The following STT3A variants were observed in gnomAD, a reference collection of about 807,000 sequenced individuals.
STT3A encodes STT3 oligosaccharyltransferase complex catalytic subunit A.
STT3A carries 34 observed loss-of-function variants against 89.2 expected under a neutral mutation model. The ratio of observed to expected loss-of-function variants is 0.38; its 90% CI spans 0.29 to 0.51. STT3A has a LOEUF of 0.51. STT3A is among the 20% of genes least tolerant of loss of function. The pLI is 0.89. For missense variants in STT3A, 555 were observed against 889.5 expected, an observed-to-expected ratio of 0.62 and a Z score of 4.78; for synonymous variants, 282 against 310.3, an observed-to-expected ratio of 0.91 and a Z score of 0.96.
In STT3A at chr11:125,612,583, C is replaced by A. The variant is rs1297637774; in HGVS notation, c.1210-9C>A. 1.9e-6 allele frequency: 3 copies of A among 1,611,830 alleles called. No homozygotes were observed. Among genetic ancestry groups the A allele is most frequent in the South Asian group, 2.2e-5 (2 of 90,686 alleles). ...TGATTAGACTGATCATGCTTCCTGT[C>A]TCTGTTAGGTGCGTCTAATGCTAGT... On this transcript the variant is annotated splice_polypyrimidine_tract_variant and intron_variant, in intron 11 of 17. Transcript: ENST00000392708.
Position 125,600,106 on chromosome 11 carries a change from A to C in STT3A, c.150-2197A>C, listed in dbSNP as rs572977195. Among the ~76,000 whole-genome samples, 893 of 148,634 alleles carry C rather than the reference A, an allele frequency of 6.0e-3. 8 individuals are homozygous for C. Among genetic ancestry groups the C allele is most frequent in the African/African-American group, 0.021 (828 of 40,354 alleles). ...GCTCTTGTTGCCCAGGCTGGAGTGCAATGGCACAATCTCAGCTCACCACAA... is the reference window on the plus strand; with the variant it reads ...GCTCTTGTTGCCCAGGCTGGAGTGCCATGGCACAATCTCAGCTCACCACAA... On this transcript the variant is annotated intron_variant, in intron 3 of 17. Coordinates refer to ENST00000392708, the MANE Select transcript of STT3A (RefSeq NM_152713.5).
Position 125,610,427 on chromosome 11 carries a change from T to C in STT3A, c.1117+838T>C, listed in dbSNP as rs900380673. Among the ~76,000 whole-genome samples the C allele has an allele frequency of 5.3e-5, 8 of 152,052 alleles. No homozygotes were observed. The South Asian group carries it at 6.2e-4, about 12-fold the overall frequency. On this transcript the variant is annotated intron_variant, in intron 10 of 17. Transcript: ENST00000392708. ...TATTGTAAAAATATATGTAAATAAA[T>C]AGAAAAAGATGCTGGGCACAATGGC...
At chr11:125,607,975 T>C (rs925817901) in intron 8 of STT3A, 134 bp from the exon 9 acceptor site, 1 of 836,668 alleles carries the variant, frequency 1.2e-6, no homozygotes. Context: ...CTTCCCTAGA[T>C]TGGCCCTGAT....
chr11:125,614,256 A>C lies in STT3A; in HGVS notation c.1671+53A>C, dbSNP rs920232425. 1.7e-5 allele frequency: 28 copies of C among 1,612,202 alleles called. No homozygotes were observed. In the Admixed American group the frequency reaches 2.0e-4, roughly 12 times the overall value. On this transcript the variant is annotated intron_variant, in intron 14 of 17. Coordinates refer to ENST00000392708, the MANE Select transcript of STT3A (RefSeq NM_152713.5). The surrounding 1 kb of genome is among the most constrained non-coding windows in gnomAD (Gnocchi z 4.9). The stretch of plus-strand genomic sequence containing the variant: ...TTTGGTGTACAAGGTCTAATGGGAA[A>C]TGTGTCTGCATGAGGGGATCATATG...
rs975958169 is a variant in STT3A, at chr11:125,616,829, C to A, written c.1775-1544C>A. Reference sequence around the variant, plus strand: ...AGTAGCTGGGACTACAGGCACACACCACCATGCCCGGCCAATTTTTATACT... The same window carrying A: ...AGTAGCTGGGACTACAGGCACACACAACCATGCCCGGCCAATTTTTATACT... On this transcript the variant is annotated intron_variant, in intron 15 of 17. Coordinates refer to ENST00000392708, the MANE Select transcript of STT3A (RefSeq NM_152713.5). Among the ~76,000 whole-genome samples the A allele has an allele frequency of 2.6e-5, 4 of 152,304 alleles. No homozygotes were observed. The East Asian group carries it at 7.7e-4, about 29-fold the overall frequency.
intron 16 of STT3A, 90 bp downstream of exon 16, chr11:125,618,651 C>T (rs748061774): frequency 9.8e-6 from 13 of 1,323,838 alleles, no homozygotes; most frequent in Non-Finnish European, 1.2e-5. Context: ...CTAGTAAGTG[C>T]TTTGTGTCTG....
chr11:125,612,453 T>G (rs1940055556), intron 11 of STT3A, 139 bp from the exon 12 acceptor site: 5 of 920,706 alleles, frequency 5.4e-6, no homozygotes, highest in Non-Finnish European at 7.9e-6. Context: ...TGCAACTGTT[T>G]CAAGTATTTT....
intron 3 of STT3A, among the ~76,000 whole-genome samples, chr11:125,601,273 T>C (rs1183163351): frequency 6.6e-6 from 1 of 152,204 alleles, no homozygotes; most frequent in Non-Finnish European, 1.5e-5. Flanking sequence ...TGGAAATTAT[T>C]CATGTGTCTT....
intron 16 of STT3A, among the ~76,000 whole-genome samples, chr11:125,619,022 C>G (rs1028820972): frequency 2.0e-5 from 3 of 151,942 alleles, no homozygotes; most frequent in Non-Finnish European, 4.4e-5. Flanking sequence ...ACCTGAGCTA[C>G]TGCACCTAGC....
chr11:125,593,549 A>G (rs537153655), intron 1 of STT3A: 1 of 152,252 alleles, frequency 6.6e-6, no homozygotes, highest in East Asian at 1.9e-4. Flanking sequence ...TAGCTCGTTT[A>G]CTCAAGTTTT....
chr11:125,612,402 G>A (rs912096280), intron 11 of STT3A, among the ~76,000 whole-genome samples, 190 bp from the exon 12 acceptor site: 2 of 152,170 alleles, frequency 1.3e-5, no homozygotes, highest in Non-Finnish European at 2.9e-5. Flanking sequence ...ATATGTACAT[G>A]CATATAATTG....
chr11:125,601,121 A>T (rs1222581087), intron 3 of STT3A, among the ~76,000 whole-genome samples: 2 of 152,218 alleles, frequency 1.3e-5, no homozygotes, highest in Non-Finnish European at 1.5e-5. Context: ...TATAGGTGAC[A>T]TAAGAAGCAT....
chr11:125,614,561 A>T lies in STT3A; in HGVS notation c.1774+135A>T. 1.2e-6 allele frequency: 1 copy of T among 855,314 alleles called. No individual in the cohort carries two copies. The highest frequency in any genetic ancestry group is 1.8e-6 in the Non-Finnish European group (1 of 564,248). 53.0% of individuals were successfully genotyped at this position (855,314 alleles called of 1,614,324 possible). ...TCATGGGAAGTTCCTAAGTATTTGC[A>T]ACTTGAGGTTTGGGTATTTTGATTT... On this transcript the variant is annotated intron_variant, in intron 15 of 17. Transcript: ENST00000392708. This position sits in a 1 kb window ranked among gnomAD's most constrained non-coding sequence, Gnocchi z 4.9.
At chr11:125,597,947 C>T (rs1325823254) in intron 3 of STT3A, among the ~76,000 whole-genome samples, 1 of 152,146 alleles carries the variant, frequency 6.6e-6, no homozygotes, top group Non-Finnish European at 1.5e-5. Flanking sequence ...GGCACGGTGG[C>T]TCACGCCTGT....
intron 9 of STT3A, among the ~76,000 whole-genome samples, chr11:125,608,581 C>A: frequency 6.6e-6 from 1 of 152,272 alleles, no homozygotes; most frequent in Non-Finnish European, 1.5e-5. Flanking sequence ...CCGCCTCGGC[C>A]TCCCAAATTG....
In STT3A at chr11:125,618,490, C is replaced by T; in HGVS notation, c.1892C>T (p.Ser631Phe). The change falls in exon 16 of 18, where the codon TCT becomes TTT. Residue 631 changes from serine (S) to phenylalanine (F), a missense_variant. Physicochemically the swap from Ser to Phe is radical, Grantham distance 155. This residue lies in a region of STT3A where 273 missense variants were observed against 449.8 expected (regional missense o/e 0.61). Transcript: ENST00000392708. ...GAGTTCCGTGTGGACCGTGAAGGTT[C>T]TCCAGTGCTGCTCAACTGCCTCATG... The part of the protein sequence containing the change: ...TGEFRVDREG[S>F]PVLLNCLMYK... 1 of 1,614,012 alleles carries T rather than the reference C, an allele frequency of 6.2e-7. No individual in the cohort carries two copies. Among genetic ancestry groups the T allele is most frequent in the Non-Finnish European group, 8.5e-7 (1 of 1,180,020 alleles).
At chr11:125,610,558 AAAAC>A (rs1939974418) in intron 10 of STT3A, among the ~76,000 whole-genome samples, 1 of 152,118 alleles carries the variant, frequency 6.6e-6, no homozygotes, top group Non-Finnish European at 1.5e-5. Flanking sequence ...CGTCTTAAAA[AAAAC>A]AACAACAGGC....
At chr11:125,599,136 C>T (rs752595687) in intron 3 of STT3A, among the ~76,000 whole-genome samples, 14 of 152,220 alleles carry the variant, frequency 9.2e-5, no homozygotes, top group Non-Finnish European at 1.8e-4. Context: ...CTCTCTCACT[C>T]TGCCTCTCCT....
intron 9 of STT3A, among the ~76,000 whole-genome samples, chr11:125,608,652 C>T (rs12362754): frequency 0.28 from 42,777 of 152,170 alleles, 6,217 homozygotes; most frequent in East Asian, 0.41. Context: ...CTATTAAATG[C>T]AGATGGGTAC....
Sources: allele counts gnomAD v4.1 joint callset (sites outside exome capture counted in the v4.1 genomes callset), GRCh38; gene constraint gnomAD v4.1.1; regional missense constraint gnomAD v4.1.1; non-coding constraint Gnocchi (gnomAD v3.1); transcripts MANE v1.5; gene names NCBI Gene and HGNC (gene_info 2026-07-23, HGNC 2026-07-21).